The following CCSER1 variants were observed in gnomAD, a reference collection of about 807,000 sequenced individuals.
The protein encoded by CCSER1 is coiled-coil serine rich protein 1.
A neutral mutation model predicts 82.0 loss-of-function variants in CCSER1; 41 were observed. The ratio of observed to expected loss-of-function variants is 0.50; its 90% CI spans 0.39 to 0.65. The LOEUF (loss-of-function observed/expected upper bound fraction) is 0.65. Among genes scored for constraint, CCSER1 ranks in the 30% least tolerant of loss-of-function variants. The pLI, the probability that CCSER1 is intolerant of heterozygous loss-of-function variation, is 0.00. For synonymous variants in CCSER1, 414 were observed against 383.9 expected (o/e 1.08, Z -0.92); for missense variants, 1,119 against 1,064.2 (o/e 1.05, Z -0.72).
rs144366711 is a variant in CCSER1 at position 90,274,412 on chromosome 4, G to T, written c.-41-33832G>T. Reference sequence around the variant, plus strand: ...TGTGTGTGTCTTTTCTTATCACTTTGTCATTTTGTTTGCTTAAATACGTGT... The same window carrying T: ...TGTGTGTGTCTTTTCTTATCACTTTTTCATTTTGTTTGCTTAAATACGTGT... On this transcript the variant is annotated intron_variant, in intron 1 of 10. Coordinates refer to ENST00000509176, the MANE Select transcript of CCSER1 (RefSeq NM_001145065.2). 1.6e-4 allele frequency among the ~76,000 whole-genome samples: 24 copies of T among 152,038 alleles called. 1 individual carries two copies. The highest frequency in any genetic ancestry group is 1.4e-3 in the Admixed American group (21 of 15,286).
rs1333016220 is a variant in CCSER1 at position 90,660,502 on chromosome 4, TATATG to T, written c.1932+32275_1932+32279del. Among the ~76,000 whole-genome samples, 5 of 152,244 alleles carry T rather than the reference TATATG, an allele frequency of 3.3e-5. No individual in the cohort carries two copies. The East Asian group carries it at 9.6e-4, about 29-fold the overall frequency. On this transcript the variant is annotated intron_variant, in intron 6 of 10. Coordinates refer to ENST00000509176, the MANE Select transcript of CCSER1 (RefSeq NM_001145065.2). ...AATGTGTCATAACATTTCAAATTGA[TATATG>T]ATATTCTTCAAGTTATGTCTTATCT...
Position 90,670,364 on chromosome 4 carries a change from G to A in CCSER1, c.1932+42132G>A, listed in dbSNP as rs138300725. On this transcript the variant is annotated intron_variant, in intron 6 of 10. Coordinates refer to ENST00000509176, the MANE Select transcript of CCSER1 (RefSeq NM_001145065.2). ...AGTGAGGGAAGTGAGAAAGTTCAGG[G>A]GAATTCACTAAAGCAAGAAGGTGGT... 6.0e-4 allele frequency among the ~76,000 whole-genome samples: 91 copies of A among 152,084 alleles called. 1 individual carries two copies. The East Asian group carries it at 0.014, about 23-fold the overall frequency.
At chr4:91,360,991 A>G (rs539140994) in intron 10 of CCSER1, among the ~76,000 whole-genome samples, 6 of 152,022 alleles carry the variant, frequency 3.9e-5, no homozygotes, top group African/African-American at 1.4e-4. Flanking sequence ...CTTGGAGTCA[A>G]TGAAATTCTT....
intron 9 of CCSER1, among the ~76,000 whole-genome samples, chr4:90,925,584 AC>A (rs1421002774): frequency 2.6e-5 from 4 of 152,156 alleles, no homozygotes; most frequent in Non-Finnish European, 5.9e-5. Flanking sequence ...AGTTATTCTA[AC>A]ACCATAGTTA....
At chr4:90,938,061 C>A (rs1468375118) in intron 9 of CCSER1, among the ~76,000 whole-genome samples, 1 of 152,026 alleles carries the variant, frequency 6.6e-6, no homozygotes, top group African/African-American at 2.4e-5. Flanking sequence ...TACTTCTTTT[C>A]ATATATATTA....
intron 7 of CCSER1, among the ~76,000 whole-genome samples, chr4:90,753,892 T>C (rs1749101551): frequency 6.6e-6 from 1 of 152,182 alleles, no homozygotes; most frequent in Admixed American, 6.6e-5. Flanking sequence ...TCAAACATAG[T>C]AAGTTCTCTC....
chr4:90,157,760 T>C (rs1356478738), intron 1 of CCSER1, among the ~76,000 whole-genome samples: 1 of 152,226 alleles, frequency 6.6e-6, no homozygotes, highest in South Asian at 2.1e-4. Context: ...TTGGTTATTC[T>C]AGTTATACAT....
intron 1 of CCSER1, among the ~76,000 whole-genome samples, chr4:90,262,693 A>C (rs1209115255): frequency 1.3e-5 from 2 of 151,938 alleles, no homozygotes; most frequent in African/African-American, 4.8e-5. Flanking sequence ...AGATGCACTG[A>C]AGTTTTAGCA....
intron 5 of CCSER1, among the ~76,000 whole-genome samples, chr4:90,550,625 A>G (rs1777347679): frequency 6.6e-6 from 1 of 152,224 alleles, no homozygotes; most frequent in East Asian, 1.9e-4. Flanking sequence ...CATTGACATA[A>G]AAGTGTAATT....
intron 10 of CCSER1, among the ~76,000 whole-genome samples, chr4:91,404,101 A>G (rs2149363118): frequency 6.6e-6 from 1 of 152,250 alleles, no homozygotes; most frequent in South Asian, 2.1e-4. Context: ...TCAGGGATTC[A>G]ACTTCTTCCT....
chr4:91,149,436 C>T (rs1729904080), intron 10 of CCSER1, among the ~76,000 whole-genome samples: 1 of 152,174 alleles, frequency 6.6e-6, no homozygotes, highest in Admixed American at 6.5e-5. Flanking sequence ...GTTGCCTATT[C>T]ACTCTGATGG....
chr4:90,203,972 T>G (rs1738271556), intron 1 of CCSER1, among the ~76,000 whole-genome samples: 1 of 152,234 alleles, frequency 6.6e-6, no homozygotes. Flanking sequence ...CTATGTTTGT[T>G]GGCTGTATAA....
intron 9 of CCSER1, among the ~76,000 whole-genome samples, chr4:90,998,722 AGTT>A (rs1737726773): frequency 1.5e-5 from 1 of 67,164 alleles, no homozygotes; most frequent in South Asian, 4.4e-4. Context: ...AGCATTACAC[AGTT>A]TTTTTTTTTT....
intron 10 of CCSER1, among the ~76,000 whole-genome samples, chr4:91,303,628 GAAT>G (rs879713217): frequency 6.6e-6 from 1 of 151,262 alleles, no homozygotes; most frequent in Admixed American, 6.6e-5. Flanking sequence ...TCTACAAAAA[GAAT>G]AATAATAATA....
chr4:90,562,691 CCA>C, intron 5 of CCSER1, among the ~76,000 whole-genome samples: 1 of 151,938 alleles, frequency 6.6e-6, no homozygotes, highest in Admixed American at 6.5e-5. Flanking sequence ...GTGTGTGCCA[CCA>C]CACCCAGCTA....
chr4:91,556,673 T>A (rs1204165900), intron 10 of CCSER1, among the ~76,000 whole-genome samples: 1 of 151,142 alleles, frequency 6.6e-6, no homozygotes, highest in Non-Finnish European at 1.5e-5. Context: ...TTAGGGTAGT[T>A]GTGGGATGAA....
At chr4:90,536,029 C>CTTT (rs1775290858) in intron 5 of CCSER1, among the ~76,000 whole-genome samples, 5 of 129,010 alleles carry the variant, frequency 3.9e-5, no homozygotes, top group African/African-American at 1.5e-4. Context: ...TTCTTTCTTT[C>CTTT]TGTTTTTTTT....
rs1405587441 is a variant in CCSER1 at position 90,811,981 on chromosome 4, T to TAAACACACACACACAC, written c.2011-3780_2011-3779insAACACACACACACACA. On this transcript the variant is annotated intron_variant, in intron 7 of 10. Transcript: ENST00000509176. Reference sequence around the variant, plus strand: ...ACATATATATACACATATATATATATATATATATAAACACATATATATATA... The same window carrying TAAACACACACACACAC: ...ACATATATATACACATATATATATATAAACACACACACACACATATATATAAACACATATATATATA... 7.2e-3 allele frequency among the ~76,000 whole-genome samples: 892 copies of TAAACACACACACACAC among 124,170 alleles called. 6 individuals carry two copies. Among genetic ancestry groups the TAAACACACACACACAC allele is most frequent in the African/African-American group, 0.023 (704 of 30,362 alleles). The allele number at this position is 124,170 out of a possible 152,430, so 81.5% of individuals were successfully genotyped here.
At chr4:90,540,623 C>G (rs1333575025) in intron 5 of CCSER1, among the ~76,000 whole-genome samples, 1 of 151,998 alleles carries the variant, frequency 6.6e-6, no homozygotes, top group Admixed American at 6.6e-5. Flanking sequence ...AAAGCCACTT[C>G]CACTTAATTG....
Sources: gnomAD v4.1 joint callset for allele counts (sites outside exome capture counted in the v4.1 genomes callset) on GRCh38, gnomAD v4.1.1 for gene constraint, MANE v1.5 for transcripts, NCBI Gene and HGNC (gene_info 2026-07-23, HGNC 2026-07-21) for gene names.